Variants in RIPK4 observed in about 807,000 individuals in gnomAD.
RIPK4 encodes the protein receptor interacting serine/threonine kinase 4.
A neutral mutation model predicts 42.9 loss-of-function variants in RIPK4; 17 were observed. The ratio of observed to expected loss-of-function variants is 0.40; its 90% CI spans 0.27 to 0.59. RIPK4 has a LOEUF of 0.59. Ranked by LOEUF, RIPK4 falls within the 20% of genes least tolerant of loss-of-function variation. The pLI is 0.47. For synonymous variants in RIPK4, 498 were observed against 499.1 expected, an observed-to-expected ratio of 1.00 and a Z score of 0.03; for missense variants, 897 against 1,104.4, an observed-to-expected ratio of 0.81 and a Z score of 2.66.
chr21:41,763,886 G>T (rs2061228520), intron 1 of RIPK4, among the ~76,000 whole-genome samples: 1 of 152,136 alleles, frequency 6.6e-6, no homozygotes, highest in African/African-American at 2.4e-5. Context: ...GCTGGTAGGG[G>T]AGGAACGGGG....
chr21:41,746,039 C>T (rs3892167), intron 5 of RIPK4, 177 bp from the exon 6 acceptor site: 2 of 724,714 alleles, frequency 2.8e-6, no homozygotes, highest in African/African-American at 1.7e-5. Flanking sequence ...AAACCCAGGC[C>T]CCCCCATCGG....
intron 1 of RIPK4, among the ~76,000 whole-genome samples, chr21:41,757,152 A>G (rs2061206072): frequency 6.6e-6 from 1 of 152,158 alleles, no homozygotes; most frequent in Admixed American, 6.5e-5. Context: ...GGGGTCTCAG[A>G]GACTGCAGGT....
chr21:41,753,272 G>GAAAGA lies in RIPK4; in HGVS notation c.475-2032_475-2028dup, dbSNP rs780485250. On this transcript the variant is annotated intron_variant, in intron 2 of 7. Transcript: ENST00000332512. ...ATTAAATGACATCTGAGATCATTAA[G>GAAAGA]AAAGAAAAGAAAAGAAAAGAAAAAC... 1.3e-3 allele frequency among the ~76,000 whole-genome samples: 195 copies of GAAAGA among 144,808 alleles called. 4 individuals carry two copies. The highest frequency in any genetic ancestry group is 1.9e-3 in the Admixed American group (27 of 14,582). The allele number at this position is 144,808 out of a possible 152,430, so 95.0% of individuals were successfully genotyped here.
Position 41,762,869 on chromosome 21 carries a change from A to ACATT in RIPK4, c.182+3987_182+3990dup, listed in dbSNP as rs1022879603. On this transcript the variant is annotated intron_variant, in intron 1 of 7. Coordinates refer to ENST00000332512, the MANE Select transcript of RIPK4 (RefSeq NM_020639.3). ...AGGGAGCACAGAACATCACACAGTC[A>ACATT]CATTCGCACCGTCTCCAAATCGCAT... is the stretch of plus-strand genomic sequence containing the variant. 7.9e-5 allele frequency among the ~76,000 whole-genome samples: 12 copies of ACATT among 152,296 alleles called. No individual in the cohort carries two copies. The East Asian group carries it at 2.1e-3, about 27-fold the overall frequency.
chr21:41,753,676 C>T (rs540138190), intron 2 of RIPK4, among the ~76,000 whole-genome samples: 1 of 152,308 alleles, frequency 6.6e-6, no homozygotes, highest in African/African-American at 2.4e-5. Context: ...TCTGCATCTC[C>T]AAGAGCTGAG....
intron 1 of RIPK4, among the ~76,000 whole-genome samples, chr21:41,757,208 C>T (rs56054694): frequency 5.9e-5 from 9 of 152,024 alleles, no homozygotes; most frequent in African/African-American, 2.2e-4. Flanking sequence ...GAGAAGTTGA[C>T]GTTCCACTCA....
chr21:41,763,687 C>G (rs1051061723), intron 1 of RIPK4, among the ~76,000 whole-genome samples: 1 of 152,220 alleles, frequency 6.6e-6, no homozygotes, highest in Non-Finnish European at 1.5e-5. Context: ...CAGGGAGCCT[C>G]GGAGGGGTTC....
At chr21:41,748,988 C>T (rs936301583) in intron 4 of RIPK4, among the ~76,000 whole-genome samples, 166 bp downstream of exon 4, 2 of 152,064 alleles carry the variant, frequency 1.3e-5, no homozygotes, top group African/African-American at 2.4e-5. Context: ...TTGAACAGGC[C>T]CCTTCAGATC....
chr21:41,755,617 C>A lies in RIPK4; in HGVS notation c.474+908G>T, dbSNP rs754530889. Among the ~76,000 whole-genome samples the A allele has an allele frequency of 3.9e-5, 6 of 152,184 alleles. No individual in the cohort carries two copies. Among genetic ancestry groups the A allele is most frequent in the Non-Finnish European group, 5.9e-5 (4 of 68,030 alleles). ...AGGCAGGGGACTCCTCTGCTTGTCC[C>A]CTGCATGAACTACATGGATCCGGAC... is the stretch of plus-strand genomic sequence containing the variant. On this transcript the variant is annotated intron_variant, in intron 2 of 7. Transcript: ENST00000332512. This position sits in a 1 kb window ranked among gnomAD's most constrained non-coding sequence, Gnocchi z 4.2.
chr21:41,744,167 G>A lies in RIPK4; in HGVS notation c.937-27C>T, dbSNP rs1453836271. ...TGCGAAGATGCAGAAGAGGGGGTGG[G>A]TGAAGACCCTGCCATAGACCGCATG... On this transcript the variant is annotated intron_variant, in intron 6 of 7. Transcript: ENST00000332512. The A allele has an allele frequency of 7.7e-6, 12 of 1,550,724 alleles. No individual in the cohort carries two copies. The African/African-American group carries it at 1.2e-4, about 16-fold the overall frequency.
rs1219443181 is a variant in RIPK4 at position 41,748,707 on chromosome 21, C to T, written c.673+447G>A. Among the ~76,000 whole-genome samples, 3 of 152,182 alleles carry T rather than the reference C, an allele frequency of 2.0e-5. No individual in the cohort carries two copies. The East Asian group carries it at 5.8e-4, about 29-fold the overall frequency. On this transcript the variant is annotated intron_variant, in intron 4 of 7. Coordinates refer to ENST00000332512, the MANE Select transcript of RIPK4 (RefSeq NM_020639.3). The stretch of plus-strand genomic sequence containing the variant: ...AACAAAAAAGAATTAGCTGGAAATA[C>T]CAGCACAGGCAAACCCCTGGAGACA...
In RIPK4 at chr21:41,743,957, C is replaced by A. The variant is rs2061162294; in HGVS notation, c.1120G>T (p.Val374Leu). Reference sequence around the variant, plus strand: ...GAGAAGGCGGAGTCCACCGAGGACACCCCCGAGAGCCTCTTCCCACTGCCG... The same window carrying A: ...GAGAAGGCGGAGTCCACCGAGGACAACCCCGAGAGCCTCTTCCCACTGCCG... Reference protein sequence around the residue: ...SSGSGKRLSGVSSVDSAFSSR... With the variant: ...SSGSGKRLSGLSSVDSAFSSR... The change falls in exon 7 of 8, where the codon GTG (valine) becomes TTG (leucine). Residue 374 changes from valine (V) to leucine (L), a missense_variant. Transcript: ENST00000332512. 2 of 1,613,122 alleles carry A rather than the reference C, an allele frequency of 1.2e-6. No homozygotes were observed. The highest frequency in any genetic ancestry group is 1.7e-6 in the Non-Finnish European group (2 of 1,179,992).
chr21:41,748,136 G>A (rs1055273855), intron 4 of RIPK4, among the ~76,000 whole-genome samples: 3 of 152,184 alleles, frequency 2.0e-5, no homozygotes, highest in East Asian at 1.9e-4. Flanking sequence ...CAACACAGAC[G>A]GACACCGGCC....
intron 3 of RIPK4, 85 bp from the exon 4 acceptor site, chr21:41,749,288 C>A (rs2146051176): frequency 7.4e-7 from 1 of 1,346,698 alleles, no homozygotes; most frequent in Non-Finnish European, 1.1e-6. Context: ...GGCGTGAAGA[C>A]ACCTGTTCTG....
In RIPK4 at chr21:41,741,727, A is replaced by C. The variant is rs748213607; in HGVS notation, c.1466T>G (p.Leu489Arg). 1 of 1,613,018 alleles carries C rather than the reference A, an allele frequency of 6.2e-7. No homozygotes were observed. Among genetic ancestry groups the C allele is most frequent in the East Asian group, 2.2e-5 (1 of 44,872 alleles). ...VERRVRGVVE[L>R]LLARKISVNA... is the part of the protein sequence containing the mutation. ...GACACTGATCTTCCGCGCCAGCAGG[A>C]GCTCCACGACACCCCGCACCCTCCT... Residue 489 changes from leucine to arginine, a missense_variant, in exon 8 of 8, where the codon CTC (leucine) becomes CGC (arginine). Coordinates refer to ENST00000332512, the MANE Select transcript of RIPK4 (RefSeq NM_020639.3).
chr21:41,751,384 C>G lies in RIPK4; in HGVS notation c.475-139G>C. 8 of 1,164,512 alleles carry G rather than the reference C, an allele frequency of 6.9e-6. No homozygotes were observed. The highest frequency in any genetic ancestry group is 9.5e-6 in the Non-Finnish European group (8 of 843,402). 72.1% of individuals were successfully genotyped at this position (1,164,512 alleles called of 1,614,324 possible). A position where few individuals can be genotyped will look rare whatever the true frequency, so the allele number is the denominator to read the frequency against. ...GCCCCTAAGAGCCGTGTCTGTGCCT[C>G]TCCAGGTAGCCCTGCCCCAGGCAGG... On this transcript the variant is annotated intron_variant, in intron 2 of 7. Transcript: ENST00000332512. The surrounding 1 kb of genome is among the most constrained non-coding windows in gnomAD (Gnocchi z 4.5).
chr21:41,766,532 A>G (rs961213401), intron 1 of RIPK4, among the ~76,000 whole-genome samples: 3 of 151,948 alleles, frequency 2.0e-5, no homozygotes, highest in African/African-American at 7.3e-5. Context: ...CCACTCGGGG[A>G]GTGTCAGGAA....
chr21:41,752,304 G>A (rs1301637626), intron 2 of RIPK4, among the ~76,000 whole-genome samples: 1 of 152,198 alleles, frequency 6.6e-6, no homozygotes, highest in Non-Finnish European at 1.5e-5. Context: ...GCTGAGTCAG[G>A]CCTTAATTCT....
intron 1 of RIPK4, 120 bp downstream of exon 1, chr21:41,766,740 C>A (rs2061238276): frequency 9.1e-7 from 1 of 1,096,514 alleles, no homozygotes; most frequent in Non-Finnish European, 1.3e-6. Context: ...TTGGTTTCCC[C>A]CCCGAAGCTG....
Sources: allele counts gnomAD v4.1 joint callset (sites outside exome capture counted in the v4.1 genomes callset), GRCh38; gene constraint gnomAD v4.1.1; non-coding constraint Gnocchi (gnomAD v3.1); transcripts MANE v1.5; gene names NCBI Gene and HGNC (gene_info 2026-07-23, HGNC 2026-07-21).